LRP2: variants seen among roughly 807,000 people sequenced by gnomAD.
LRP2 encodes LDL receptor related protein 2, also known as low-density lipoprotein receptor-related protein 2.
A neutral mutation model predicts 531.0 loss-of-function variants in LRP2; 172 were observed. The observed-to-expected ratio is 0.32, with a 90% confidence interval of 0.29 to 0.37. The LOEUF (loss-of-function observed/expected upper bound fraction) is 0.37, where lower values mean the gene tolerates loss of function less well. LRP2 is among the 10% of genes least tolerant of loss of function. The probability of loss-of-function intolerance (pLI) is 1.00; values close to 1 mark genes in which losing one functional copy is unlikely to be tolerated. For synonymous variants in LRP2, 1,992 were observed against 2,027.6 expected (o/e 0.98, Z 0.47); for missense variants, 5,167 against 5,868.3 (o/e 0.88, Z 3.90).
At chr2:169,159,656 T>G (rs988290523) in intron 63 of LRP2, among the ~76,000 whole-genome samples, 5 of 152,200 alleles carry the variant, frequency 3.3e-5, no homozygotes, top group African/African-American at 4.8e-5. Flanking sequence ...TGCCATAAAA[T>G]TTGTCATAGT....
At chr2:169,194,076 T>C (rs955786577) in intron 46 of LRP2, among the ~76,000 whole-genome samples, 184 bp from the exon 47 acceptor site, 1 of 152,160 alleles carries the variant, frequency 6.6e-6, no homozygotes, top group Non-Finnish European at 1.5e-5. Context: ...GTAAAAGTAG[T>C]CAACTGACAG....
At chr2:169,248,427 G>A (rs1690099637) in intron 19 of LRP2, among the ~76,000 whole-genome samples, 1 of 152,140 alleles carries the variant, frequency 6.6e-6, no homozygotes, top group Admixed American at 6.5e-5. Context: ...TCTTTCTAGA[G>A]CCTGGCAATC....
rs1690424817 is a variant in LRP2, at chr2:169,259,012, T to C, written c.2513+13A>G. 8 of 1,612,524 alleles carry C rather than the reference T, an allele frequency of 5.0e-6. No individual in the cohort carries two copies. The highest frequency in any genetic ancestry group is 1.3e-5 in the African/African-American group (1 of 74,920). On this transcript the variant is annotated intron_variant, in intron 17 of 78. Transcript: ENST00000649046. Reference sequence around the variant, plus strand: ...ACAGTTTCAAGCTCTTAGGAAAACATGAACACACTTACCCGGCAAAAGGAT... The same window carrying C: ...ACAGTTTCAAGCTCTTAGGAAAACACGAACACACTTACCCGGCAAAAGGAT...
chr2:169,153,057 T>C, intron 66 of LRP2, 93 bp from the exon 67 acceptor site: 1 of 1,106,078 alleles, frequency 9.0e-7, no homozygotes, highest in African/African-American at 1.5e-5. Context: ...GTTCGTTTAT[T>C]GACATCTCTA....
chr2:169,202,227 A>T (rs1256954783), intron 43 of LRP2, among the ~76,000 whole-genome samples: 1 of 152,178 alleles, frequency 6.6e-6, no homozygotes, highest in Non-Finnish European at 1.5e-5. Context: ...GGAAAAGGTA[A>T]CCAACCTCAG....
chr2:169,356,756 A>C (rs577558058), intron 1 of LRP2, among the ~76,000 whole-genome samples: 78 of 152,346 alleles, frequency 5.1e-4, no homozygotes, highest in Non-Finnish European at 1.1e-3. Context: ...AACAACTACT[A>C]GCTGATCATT....
chr2:169,143,409 G>A (rs565594105), intron 70 of LRP2, among the ~76,000 whole-genome samples: 15 of 152,258 alleles, frequency 9.9e-5, no homozygotes, highest in African/African-American at 2.9e-4. Context: ...TTGGGAGGCC[G>A]CTTTGGGCGG....
chr2:169,185,509 A>G lies in LRP2; in HGVS notation c.9839T>C (p.Val3280Ala). Residue 3280 changes from valine to alanine, a missense_variant, in exon 50 of 79, where the codon GTT (valine) becomes GCT (alanine). Physicochemically the swap from Val to Ala is moderately conservative, Grantham distance 64 (BLOSUM62 0). Around this residue, in one of 6 missense-constraint regions of LRP2, gnomAD observed 1,129 missense variants for 1,362.7 expected, o/e 0.83. Coordinates refer to ENST00000649046, the MANE Select transcript of LRP2 (RefSeq NM_004525.3). Reference protein sequence around the residue: ...PAAESLAVDWVSRKLYWLDAR... With the variant: ...PAAESLAVDWASRKLYWLDAR... ...CTCATCAGTGTTTTCTTACCTGGAA[A>G]CCCAGTCTACAGCCAGACTTTCTGC... 6.2e-7 allele frequency: 1 copy of G among 1,613,238 alleles called. No homozygotes were observed.
rs770148290 is a variant in LRP2 at position 169,362,412 on chromosome 2, C to T, written c.-13G>A. On this transcript the variant is annotated 5_prime_UTR_variant, in exon 1 of 79. Coordinates refer to ENST00000649046, the MANE Select transcript of LRP2 (RefSeq NM_004525.3). ...GCCCGCGATCCATCTCCGCGACGGT[C>T]CCCGGCCTCGCCGTTCCTTCCCCGG... 18 of 1,550,740 alleles carry T rather than the reference C, an allele frequency of 1.2e-5. No homozygotes were observed. The highest frequency in any genetic ancestry group is 1.6e-5 in the Non-Finnish European group (18 of 1,150,034).
intron 66 of LRP2, 77 bp from the exon 67 acceptor site, chr2:169,153,041 A>G (rs1047849095): frequency 4.4e-6 from 6 of 1,359,522 alleles, no homozygotes; most frequent in Admixed American, 1.7e-5. Flanking sequence ...AATCAGGTGA[A>G]GTACTGTTCG....
chr2:169,218,490 A>G (rs1688875377), intron 34 of LRP2, among the ~76,000 whole-genome samples: 1 of 152,094 alleles, frequency 6.6e-6, no homozygotes, highest in Non-Finnish European at 1.5e-5. Flanking sequence ...TGTTATTTAT[A>G]CACAGGCCTT....
Position 169,204,266 on chromosome 2 carries a change from C to G in LRP2, c.7721G>C (p.Arg2574Thr), listed in dbSNP as rs149675661. The change falls in exon 42 of 79, where the codon AGG (arginine) becomes ACG (threonine). Residue 2574 changes from arginine to threonine, a missense_variant. Arg to Thr is a moderately conservative substitution (Grantham distance 71). Transcript: ENST00000649046. Reference protein sequence around the residue: ...LLYWVDASLQRIERSTLTGVD... With the variant: ...LLYWVDASLQTIERSTLTGVD... Reference sequence around the variant, plus strand: ...GCCCGTCAGAGTGCTGCGTTCAATCCTCTGCCTAAAATGAAGCAAAAAAAA... The same window carrying G: ...GCCCGTCAGAGTGCTGCGTTCAATCGTCTGCCTAAAATGAAGCAAAAAAAA... 87 of 1,612,518 alleles carry G rather than the reference C, an allele frequency of 5.4e-5. No individual in the cohort carries two copies. The African/African-American group carries it at 8.9e-4, about 17-fold the overall frequency.
At chr2:169,360,128 C>CAAAAAAAAAAA (rs67818940) in intron 1 of LRP2, among the ~76,000 whole-genome samples, 3 of 105,028 alleles carry the variant, frequency 2.9e-5, no homozygotes, top group Non-Finnish European at 5.4e-5. Context: ...CTGTCTCTCT[C>CAAAAAAAAAAA]AAAAAAAAAA....
intron 1 of LRP2, among the ~76,000 whole-genome samples, chr2:169,328,824 C>T (rs1466799074): frequency 2.0e-5 from 3 of 152,222 alleles, no homozygotes; most frequent in Non-Finnish European, 4.4e-5. Context: ...CTTATTTCAT[C>T]ATTTCATGTC....
chr2:169,268,256 A>G (rs1683288839), intron 16 of LRP2, among the ~76,000 whole-genome samples: 2 of 152,214 alleles, frequency 1.3e-5, no homozygotes, highest in Non-Finnish European at 2.9e-5. Context: ...AATTCATTTT[A>G]TGAGGCCAAC....
chr2:169,162,349 G>A (rs1686618829), intron 63 of LRP2, 123 bp downstream of exon 63: 1 of 1,126,596 alleles, frequency 8.9e-7, no homozygotes, highest in Non-Finnish European at 1.3e-6. Flanking sequence ...GGGCTTGACT[G>A]GAATTCAAGC....
chr2:169,207,203 C>T lies in LRP2; in HGVS notation c.6517G>A (p.Val2173Ile), dbSNP rs1467523441. The T allele has an allele frequency of 2.5e-6, 4 of 1,614,100 alleles. No homozygotes were observed. Among genetic ancestry groups the T allele is most frequent in the Non-Finnish European group, 3.4e-6 (4 of 1,180,002 alleles). Residue 2173 changes from valine to isoleucine, a missense_variant, in exon 39 of 79, where the codon GTT becomes ATT. Coordinates refer to ENST00000649046, the MANE Select transcript of LRP2 (RefSeq NM_004525.3). ...CGGTAAGTAGTATTGATCCGCAGAA[C>T]TTCTATCAGTGTTTCAGAAACAAAG... Reference protein sequence around the residue: ...NAFVSETLIEVLRINTTYRRV... With the variant: ...NAFVSETLIEILRINTTYRRV...
chr2:169,215,999 G>GA (rs922605929), intron 35 of LRP2, among the ~76,000 whole-genome samples: 3 of 151,014 alleles, frequency 2.0e-5, no homozygotes, highest in Admixed American at 6.6e-5. Context: ...TTATCTTGAA[G>GA]AAAAAAAAAC....
chr2:169,282,730 C>T, intron 10 of LRP2, 143 bp downstream of exon 10: 1 of 875,822 alleles, frequency 1.1e-6, no homozygotes, highest in South Asian at 1.4e-5. Flanking sequence ...TTTTTCTAGG[C>T]AGTAGGAGCC....
Sources: gnomAD v4.1 joint callset for allele counts (sites outside exome capture counted in the v4.1 genomes callset) on GRCh38, gnomAD v4.1.1 for gene constraint, gnomAD v4.1.1 regional missense constraint, MANE v1.5 for transcripts, NCBI Gene and HGNC (gene_info 2026-07-23, HGNC 2026-07-21) for gene names.